Variants in CHST3 observed in about 807,000 individuals in gnomAD.
The protein encoded by CHST3 is carbohydrate sulfotransferase 3.
A neutral mutation model predicts 35.4 loss-of-function variants in CHST3; 20 were observed. That is an observed-to-expected ratio of 0.57 (90% CI 0.40 to 0.82). The LOEUF is 0.82. Ranked by LOEUF, CHST3 falls within the 40% of genes least tolerant of loss-of-function variation. The probability of loss-of-function intolerance (pLI) is 0.00; values close to 1 mark genes in which losing one functional copy is unlikely to be tolerated. For synonymous variants in CHST3, 334 were observed against 295.9 expected, an observed-to-expected ratio of 1.13 and a Z score of -1.32; for missense variants, 693 against 670.1, an observed-to-expected ratio of 1.03 and a Z score of -0.38.
intron 1 of CHST3, among the ~76,000 whole-genome samples, chr10:71,965,385 AGAAGGGTAGTGGCCGT>A (rs1839619817): frequency 6.6e-6 from 1 of 152,220 alleles, no homozygotes; most frequent in Non-Finnish European, 1.5e-5. Flanking sequence ...TGCGCTAGAC[AGAAGGGTAGTGGCCGT>A]GACAGTCTTC....
At chr10:71,978,352 C>T (rs183819503) in intron 1 of CHST3, among the ~76,000 whole-genome samples, 14 of 151,052 alleles carry the variant, frequency 9.3e-5, no homozygotes, top group African/African-American at 3.2e-4. Flanking sequence ...GGCGATAGAC[C>T]GAGCCTCCGT....
intron 2 of CHST3, among the ~76,000 whole-genome samples, chr10:72,006,813 C>T (rs1011964416): frequency 2.0e-5 from 3 of 152,214 alleles, no homozygotes; most frequent in Non-Finnish European, 2.9e-5. Flanking sequence ...CTACTGCAAG[C>T]CCCTACAGCT....
chr10:71,978,961 A>G (rs1019437838), intron 1 of CHST3, among the ~76,000 whole-genome samples: 2 of 152,158 alleles, frequency 1.3e-5, no homozygotes, highest in African/African-American at 2.4e-5. Context: ...GGGAAGTTCA[A>G]TAACATACCA....
At chr10:71,965,808 G>A (rs1839627253) in intron 1 of CHST3, among the ~76,000 whole-genome samples, 1 of 152,114 alleles carries the variant, frequency 6.6e-6, no homozygotes, top group Non-Finnish European at 1.5e-5. Context: ...CAGAGAAGGG[G>A]GCCTGAGTAG....
chr10:71,986,374 T>C (rs1018375671), intron 1 of CHST3, among the ~76,000 whole-genome samples: 41 of 152,222 alleles, frequency 2.7e-4, no homozygotes, highest in African/African-American at 7.0e-4. Context: ...TGTAAACTTC[T>C]CTGGATGATT....
intron 1 of CHST3, among the ~76,000 whole-genome samples, chr10:71,978,230 G>A (rs894081778): frequency 1.3e-5 from 2 of 152,160 alleles, no homozygotes; most frequent in African/African-American, 2.4e-5. Flanking sequence ...AGCTGGACGT[G>A]GTGGCAGGCG....
At position 72,007,408 on chromosome 10, in the gene CHST3, C is replaced by A. The variant is rs371091098; in HGVS notation, c.377C>A (p.Pro126Gln). The change falls in exon 3 of 3, where the codon CCG (proline) becomes CAG (glutamine). Residue 126 changes from proline (P) to glutamine (Q), a missense_variant. Pro to Gln is a moderately conservative substitution (Grantham distance 76, BLOSUM62 -1). Transcript: ENST00000373115. ...EQRKEEEPPR[P>Q]AVAGPRRHVL... ...AGAAAGGAGGAGGAGCCGCCCAGACCGGCCGTGGCGGGGCCCCGGCGCCAC... is the reference window on the plus strand; with the variant it reads ...AGAAAGGAGGAGGAGCCGCCCAGACAGGCCGTGGCGGGGCCCCGGCGCCAC... The A allele has an allele frequency of 1.2e-6, 2 of 1,605,162 alleles. No homozygotes were observed. The highest frequency in any genetic ancestry group is 2.2e-5 in the South Asian group (2 of 90,578).
chr10:71,982,289 G>T (rs972482048), intron 1 of CHST3, among the ~76,000 whole-genome samples: 2 of 152,254 alleles, frequency 1.3e-5, no homozygotes, highest in African/African-American at 4.8e-5. Context: ...GCCATTGCTG[G>T]TTTGCAGATG....
At chr10:71,975,064 T>G (rs1201251951) in intron 1 of CHST3, among the ~76,000 whole-genome samples, 1 of 152,116 alleles carries the variant, frequency 6.6e-6, no homozygotes, top group Non-Finnish European at 1.5e-5. Context: ...GCTGTTTGGG[T>G]GGGATCACTT....
chr10:72,002,136 CAG>C (rs1839998395), intron 1 of CHST3, among the ~76,000 whole-genome samples: 1 of 152,202 alleles, frequency 6.6e-6, no homozygotes, highest in Non-Finnish European at 1.5e-5. Flanking sequence ...CAAAGCTAAA[CAG>C]AGGGGCAGCT....
Position 71,965,377 on chromosome 10 carries a change from C to G in CHST3, c.-108+683C>G, listed in dbSNP as rs563730845. ...GGAAGAGGCTGGCAGGCCGTTGCTG[C>G]GCTAGACAGAAGGGTAGTGGCCGTG... On this transcript the variant is annotated intron_variant, in intron 1 of 2. Coordinates refer to ENST00000373115, the MANE Select transcript of CHST3 (RefSeq NM_004273.5). Among the ~76,000 whole-genome samples the G allele has an allele frequency of 2.6e-5, 4 of 152,286 alleles. No individual in the cohort carries two copies. The East Asian group carries it at 5.8e-4, about 22-fold the overall frequency.
At chr10:71,982,629 T>C (rs1839811758) in intron 1 of CHST3, among the ~76,000 whole-genome samples, 1 of 152,112 alleles carries the variant, frequency 6.6e-6, no homozygotes, top group Non-Finnish European at 1.5e-5. Context: ...TGCACGCATC[T>C]GCCCCGGCTA....
chr10:71,991,669 G>C (rs917867378), intron 1 of CHST3, among the ~76,000 whole-genome samples: 1 of 152,022 alleles, frequency 6.6e-6, no homozygotes, highest in Non-Finnish European at 1.5e-5. Context: ...GCAGTGGCTC[G>C]CACCTGTAAT....
chr10:71,981,442 G>A (rs979611655), intron 1 of CHST3, among the ~76,000 whole-genome samples: 1 of 152,218 alleles, frequency 6.6e-6, no homozygotes, highest in African/African-American at 2.4e-5. Flanking sequence ...GGAATGTTCA[G>A]TGGGCACAGA....
At chr10:71,986,174 G>A (rs540328315) in intron 1 of CHST3, among the ~76,000 whole-genome samples, 3 of 152,364 alleles carry the variant, frequency 2.0e-5, no homozygotes, top group African/African-American at 7.2e-5. Flanking sequence ...GATAGCTAGT[G>A]TGTGTGCAGG....
chr10:71,966,424 G>C (rs1839632717), intron 1 of CHST3, among the ~76,000 whole-genome samples: 1 of 152,200 alleles, frequency 6.6e-6, no homozygotes. Flanking sequence ...TGGATTGCCA[G>C]TAGTCTTGGG....
intron 1 of CHST3, among the ~76,000 whole-genome samples, chr10:71,972,611 C>T (rs1378890572): frequency 1.3e-5 from 2 of 152,204 alleles, no homozygotes; most frequent in Non-Finnish European, 2.9e-5. Flanking sequence ...GATCCAGGGA[C>T]TTCTGCCTCC....
intron 1 of CHST3, among the ~76,000 whole-genome samples, chr10:71,966,692 C>A (rs1223746722): frequency 1.3e-5 from 2 of 152,190 alleles, no homozygotes; most frequent in African/African-American, 4.8e-5. Context: ...CACCTTTCCA[C>A]CTTCATTATG....
In CHST3 at chr10:72,010,060, A is replaced by G. The variant is rs1840093994; in HGVS notation, c.*1589A>G. On this transcript the variant is annotated 3_prime_UTR_variant, in exon 3 of 3. Transcript: ENST00000373115. Reference sequence around the variant, plus strand: ...TGAACCCCATGTGGGATGAATCTCAAAGCCACCAGCGTTCTTGCCTAGTGT... The same window carrying G: ...TGAACCCCATGTGGGATGAATCTCAGAGCCACCAGCGTTCTTGCCTAGTGT... The G allele has an allele frequency of 6.6e-6, 1 of 152,362 alleles. No homozygotes were observed. The allele number at this position is 152,362 out of a possible 1,614,324, so 9.4% of individuals were successfully genotyped here.
Sources: allele counts gnomAD v4.1 joint callset (sites outside exome capture counted in the v4.1 genomes callset), GRCh38; gene constraint gnomAD v4.1.1; transcripts MANE v1.5; gene names NCBI Gene and HGNC (gene_info 2026-07-23, HGNC 2026-07-21).